Variants in TNRC6B observed in about 807,000 individuals in gnomAD.
The protein encoded by TNRC6B is trinucleotide repeat containing adaptor 6B.
A neutral mutation model predicts 203.6 loss-of-function variants in TNRC6B; 52 were observed. The ratio of observed to expected loss-of-function variants is 0.26; its 90% CI spans 0.20 to 0.32. The LOEUF is 0.32. Ranked by LOEUF, TNRC6B falls within the 10% of genes least tolerant of loss-of-function variation. TNRC6B has a pLI of 1.00. For missense variants in TNRC6B, 1,923 were observed against 2,286.2 expected (o/e 0.84, Z 3.24); for synonymous variants, 838 against 845.7 (o/e 0.99, Z 0.16).
chr22:40,242,219 C>T (rs9611300), intron 1 of TNRC6B, among the ~76,000 whole-genome samples: 48,467 of 151,350 alleles, frequency 0.32, 9,473 homozygotes, highest in East Asian at 0.57. Flanking sequence ...TGCATGCGCA[C>T]GTGCGTGTGT....
chr22:40,143,582 C>T (rs576666287), intron 3 of TNRC6B, among the ~76,000 whole-genome samples: 30 of 152,246 alleles, frequency 2.0e-4, no homozygotes, highest in Middle Eastern at 3.4e-3. Flanking sequence ...CTCCACCTCC[C>T]GGGTTCACTT....
Position 40,255,141 on chromosome 22 carries a change from T to A in TNRC6B, c.115+3941T>A, listed in dbSNP as rs143883747. ...TTCAAAAATTTGAAGGGCTCTAGTG[T>A]CTGACACTTAACAGTTCCTTGGTAA... On this transcript the variant is annotated intron_variant, in intron 3 of 22. Coordinates refer to ENST00000454349, the MANE Select transcript of TNRC6B (RefSeq NM_001162501.2). Among the ~76,000 whole-genome samples the A allele has an allele frequency of 3.7e-3, 556 of 152,320 alleles. 3 individuals are homozygous for A. Among genetic ancestry groups the A allele is most frequent in the Middle Eastern group, 0.014 (4 of 294 alleles).
At chr22:40,092,467 A>C (rs1306371281) in intron 1 of TNRC6B, among the ~76,000 whole-genome samples, 2 of 151,664 alleles carry the variant, frequency 1.3e-5, no homozygotes, top group Non-Finnish European at 2.9e-5. Flanking sequence ...ACATAGAATA[A>C]GTATATTTAA....
chr22:40,273,118 C>A (rs1261076625), intron 6 of TNRC6B, among the ~76,000 whole-genome samples: 2 of 152,128 alleles, frequency 1.3e-5, no homozygotes, highest in African/African-American at 4.8e-5. Context: ...AAATTTCTTG[C>A]CAGGAATGTT....
intron 3 of TNRC6B, among the ~76,000 whole-genome samples, chr22:40,255,432 C>T (rs1277239130): frequency 6.6e-6 from 1 of 152,170 alleles, no homozygotes; most frequent in African/African-American, 2.4e-5. Flanking sequence ...CTTGAGTCTA[C>T]TCTCATTTAT....
intron 3 of TNRC6B, among the ~76,000 whole-genome samples, chr22:40,133,004 G>A (rs1306039519): frequency 2.4e-5 from 3 of 126,534 alleles, no homozygotes; most frequent in Non-Finnish European, 4.9e-5. Flanking sequence ...TGTAAAATCC[G>A]GAGGCACAGA....
In TNRC6B at chr22:40,312,394, A is replaced by G. The variant is rs553922303; in HGVS notation, c.4436-111A>G. Reference sequence around the variant, plus strand: ...TTTTGTGATGAAAATCTAAGAGACAATAAATTCAGTATTTATACTTTTCAC... The same window carrying G: ...TTTTGTGATGAAAATCTAAGAGACAGTAAATTCAGTATTTATACTTTTCAC... On this transcript the variant is annotated intron_variant, in intron 17 of 22. Transcript: ENST00000454349. 5 of 1,122,018 alleles carry G rather than the reference A, an allele frequency of 4.5e-6. No individual in the cohort carries two copies. In the South Asian group the frequency reaches 5.3e-5, roughly 12 times the overall value. 69.5% of individuals were successfully genotyped at this position (1,122,018 alleles called of 1,614,324 possible).
intron 1 of TNRC6B, chr22:40,117,033 A>C (rs1020755622): frequency 6.6e-6 from 1 of 152,578 alleles, no homozygotes; most frequent in Non-Finnish European, 1.5e-5. Context: ...TACAGTTCAT[A>C]GTGATTTTTT....
chr22:40,196,197 C>T (rs1435567035), intron 1 of TNRC6B, among the ~76,000 whole-genome samples: 2 of 151,742 alleles, frequency 1.3e-5, no homozygotes, highest in Admixed American at 1.3e-4. Flanking sequence ...GAGACAGGGT[C>T]TCAGTCTGTT....
rs547877247 is a variant in TNRC6B at position 40,232,330 on chromosome 22, G to A, written c.6-13685G>A. Among the ~76,000 whole-genome samples the A allele has an allele frequency of 1.2e-3, 176 of 152,326 alleles. 8 individuals carry two copies. The South Asian group carries it at 0.035, about 30-fold the overall frequency. ...ATGTTTAAGGGATAATGATCCCAGT[G>A]GTAAGGGGATAGAAAACCAGGTCGT... On this transcript the variant is annotated intron_variant, in intron 1 of 22. Transcript: ENST00000454349.
chr22:40,164,731 C>T (rs78013993), intron 4 of TNRC6B, among the ~76,000 whole-genome samples: 2 of 145,246 alleles, frequency 1.4e-5, no homozygotes, highest in Admixed American at 6.9e-5. Context: ...CATTACACTC[C>T]AGCCTGAGCA....
intron 3 of TNRC6B, among the ~76,000 whole-genome samples, chr22:40,146,561 A>ATTTT (rs59901929): frequency 5.5e-5 from 6 of 109,238 alleles, no homozygotes; most frequent in Admixed American, 2.2e-4. Context: ...CGCCCGGCTA[A>ATTTT]TTTTTTTTTT....
At position 40,273,448 on chromosome 22, in the gene TNRC6B, T is replaced by TG. The variant is rs1211324773; in HGVS notation, c.2995dup (p.Glu999GlyfsTer3). 6.2e-7 allele frequency: 1 copy of TG among 1,609,762 alleles called. No homozygotes were observed. The highest frequency in any genetic ancestry group is 8.5e-7 in the Non-Finnish European group (1 of 1,178,112). ...AGATTCCAAATCTATGCAAGACGGC[T>TG]GGGGGGAGAGTGACGGGCCAGTCAC... On this transcript the variant is annotated frameshift_variant, in exon 7 of 23. Coordinates refer to ENST00000454349, the MANE Select transcript of TNRC6B (RefSeq NM_001162501.2). LOFTEE classifies it high-confidence loss of function.
In TNRC6B at chr22:40,185,724, G is replaced by A. The variant is rs151332672; in HGVS notation, c.5+7584G>A. Among the ~76,000 whole-genome samples the A allele has an allele frequency of 4.6e-5, 7 of 152,286 alleles. No individual in the cohort carries two copies. In the East Asian group the frequency reaches 7.7e-4, roughly 17 times the overall value. ...GTGGGGACCTGTTGAAAATTTGATGGCAGTGCAGTGAGAATTTTGATATGG... is the reference window on the plus strand; with the variant it reads ...GTGGGGACCTGTTGAAAATTTGATGACAGTGCAGTGAGAATTTTGATATGG... On this transcript the variant is annotated intron_variant, in intron 1 of 22. Coordinates refer to ENST00000454349, the MANE Select transcript of TNRC6B (RefSeq NM_001162501.2).
At position 40,214,926 on chromosome 22, in the gene TNRC6B, G is replaced by A. The variant is rs562362942; in HGVS notation, c.6-31089G>A. On this transcript the variant is annotated intron_variant, in intron 1 of 22. Transcript: ENST00000454349. The stretch of plus-strand genomic sequence containing the variant: ...AAAGTTAAAAGCAAACAAAAAAATT[G>A]AATAAAGCAGGTCTCCCTTGGTGCT... Among the ~76,000 whole-genome samples the A allele has an allele frequency of 3.3e-5, 5 of 152,220 alleles. No individual in the cohort carries two copies. In the South Asian group the frequency reaches 1.0e-3, roughly 32 times the overall value.
In TNRC6B at chr22:40,277,124, C is replaced by T; in HGVS notation, c.3189C>T (p.Ala1063=). 1 of 1,607,772 alleles carries T rather than the reference C, an allele frequency of 6.2e-7. No individual in the cohort carries two copies. Among genetic ancestry groups the T allele is most frequent in the Non-Finnish European group, 8.5e-7 (1 of 1,177,694 alleles). ...ATGATTCATGGATGAATCCTCTTGCCAAACAGTTTTCAAATATGGGATTGC... is the reference window on the plus strand; with the variant it reads ...ATGATTCATGGATGAATCCTCTTGCTAAACAGTTTTCAAATATGGGATTGC... The part of the protein sequence containing the change: ...GNNDSWMNPL[A]KQFSNMGLLS... Residue 1063 remains alanine, a synonymous_variant, in exon 8 of 23, where the codon GCC becomes GCT. Coordinates refer to ENST00000454349, the MANE Select transcript of TNRC6B (RefSeq NM_001162501.2).
At chr22:40,286,436 G>T (rs1394328865) in intron 12 of TNRC6B, among the ~76,000 whole-genome samples, 1 of 152,138 alleles carries the variant, frequency 6.6e-6, no homozygotes, top group African/African-American at 2.4e-5. Flanking sequence ...GTACCCAGGA[G>T]GCAGAGGTTA....
At chr22:40,131,909 A>C (rs1382621456) in intron 3 of TNRC6B, among the ~76,000 whole-genome samples, 3 of 152,224 alleles carry the variant, frequency 2.0e-5, no homozygotes, top group Admixed American at 6.5e-5. Flanking sequence ...GGAACAGTGA[A>C]TATTTCTTAC....
chr22:40,102,991 C>T (rs1015629662), intron 1 of TNRC6B, among the ~76,000 whole-genome samples: 4 of 151,854 alleles, frequency 2.6e-5, no homozygotes, highest in Non-Finnish European at 5.9e-5. Flanking sequence ...GCAGGAGAAT[C>T]GCTTGAACCA....
Sources: gnomAD v4.1 joint callset for allele counts (sites outside exome capture counted in the v4.1 genomes callset) on GRCh38, gnomAD v4.1.1 for gene constraint, MANE v1.5 for transcripts, NCBI Gene and HGNC (gene_info 2026-07-23, HGNC 2026-07-21) for gene names.